CSDE1: variants seen among roughly 807,000 people sequenced by gnomAD.
CSDE1 encodes cold shock domain containing E1.
A neutral mutation model predicts 89.3 loss-of-function variants in CSDE1; 17 were observed. That is an observed-to-expected ratio of 0.19 (90% CI 0.13 to 0.29). The LOEUF is 0.29. Ranked by LOEUF, CSDE1 falls within the 10% of genes least tolerant of loss-of-function variation. The probability of loss-of-function intolerance (pLI) is 1.00; values close to 1 mark genes in which losing one functional copy is unlikely to be tolerated. For missense variants in CSDE1, 672 were observed against 984.2 expected, an observed-to-expected ratio of 0.68 and a Z score of 4.24; for synonymous variants, 322 against 332.8, an observed-to-expected ratio of 0.97 and a Z score of 0.35.
In CSDE1 at chr1:114,745,082, T is replaced by C. The variant is rs571437388; in HGVS notation, c.-1+4739A>G. Among the ~76,000 whole-genome samples, 10 of 152,186 alleles carry C rather than the reference T, an allele frequency of 6.6e-5. No individual in the cohort carries two copies. The East Asian group carries it at 1.7e-3, about 26-fold the overall frequency. On this transcript the variant is annotated intron_variant, in intron 2 of 19. Coordinates refer to ENST00000358528, the MANE Select transcript of CSDE1 (RefSeq NM_001007553.3). ...TTCATATACCAAACTAGCAAAGACGTAAGATTTTAAAATAATGAAAAAGTG... is the reference window on the plus strand; with the variant it reads ...TTCATATACCAAACTAGCAAAGACGCAAGATTTTAAAATAATGAAAAAGTG...
At chr1:114,732,535 T>C (rs552697337) in intron 10 of CSDE1, 69 bp downstream of exon 10, 9 of 1,429,090 alleles carry the variant, frequency 6.3e-6, no homozygotes, top group South Asian at 4.7e-5. Flanking sequence ...TTTAATTTAG[T>C]AGTATAAACT....
At chr1:114,748,658 T>C (rs1661140767) in intron 2 of CSDE1, among the ~76,000 whole-genome samples, 1 of 152,224 alleles carries the variant, frequency 6.6e-6, no homozygotes, top group Non-Finnish European at 1.5e-5. Flanking sequence ...CACATTTATC[T>C]TCAGATTCAA....
In CSDE1 at chr1:114,730,568, A is replaced by T; in HGVS notation, c.1131T>A (p.Ser377Arg). 6.2e-7 allele frequency: 1 copy of T among 1,614,130 alleles called. No individual in the cohort carries two copies. ...DRDVRMFFHFSEILDGNQLHI... is the reference protein window; with the variant it reads ...DRDVRMFFHFREILDGNQLHI... Reference sequence around the variant, plus strand: ...GGAGCTGGTTCCCATCCAGAATTTCACTGAAGTGGAAGAACATACGAACAT... The same window carrying T: ...GGAGCTGGTTCCCATCCAGAATTTCTCTGAAGTGGAAGAACATACGAACAT... The change falls in exon 11 of 20, where the codon AGT becomes AGA. Residue 377 changes from serine (S) to arginine (R), a missense_variant. Physicochemically the swap from Ser to Arg is moderately radical, Grantham distance 110. Transcript: ENST00000358528.
intron 2 of CSDE1, among the ~76,000 whole-genome samples, chr1:114,749,060 G>A (rs912594072): frequency 2.6e-5 from 4 of 152,068 alleles, no homozygotes; most frequent in African/African-American, 9.7e-5. Flanking sequence ...GTGCTTTCAC[G>A]TAGCCCTGAA....
intron 2 of CSDE1, among the ~76,000 whole-genome samples, chr1:114,742,012 C>T (rs1660753547): frequency 1.3e-5 from 2 of 152,128 alleles, no homozygotes; most frequent in South Asian, 4.1e-4. Context: ...ACTGATAACC[C>T]AATGGGGTGC....
At chr1:114,725,073 T>G (rs930891739) in intron 15 of CSDE1, 148 bp downstream of exon 15, 5 of 674,262 alleles carry the variant, frequency 7.4e-6, no homozygotes, top group Non-Finnish European at 1.3e-5. Context: ...CGTATATTTC[T>G]AACAAGCAAC....
At chr1:114,741,510 C>T (rs2101061425) in intron 2 of CSDE1, 1 of 1,542,532 alleles carries the variant, frequency 6.5e-7, no homozygotes, top group South Asian at 1.2e-5. Context: ...GCTGAGATGA[C>T]TGCTTTCCTG....
chr1:114,718,560 A>ATTTTATG, intron 19 of CSDE1, 53 bp downstream of exon 19: 1 of 1,583,474 alleles, frequency 6.3e-7, no homozygotes, highest in Non-Finnish European at 8.6e-7. Context: ...AGGACCACAT[A>ATTTTATG]TTTTATGTTG....
rs1660054564 is a variant in CSDE1, at chr1:114,730,770, T to C, written c.1051-122A>G. The C allele has an allele frequency of 6.9e-6, 8 of 1,157,610 alleles. No individual in the cohort carries two copies. The East Asian group carries it at 1.2e-4, about 18-fold the overall frequency. 71.7% of individuals were successfully genotyped at this position (1,157,610 alleles called of 1,614,324 possible). A position where few individuals can be genotyped will look rare whatever the true frequency, so the allele number is the denominator to read the frequency against. On this transcript the variant is annotated intron_variant, in intron 10 of 19. Coordinates refer to ENST00000358528, the MANE Select transcript of CSDE1 (RefSeq NM_001007553.3). ...TCTCTGATGTGACACAAATACTGTATCCACATTTGAACTGTTCTCACTTAA... is the reference window on the plus strand; with the variant it reads ...TCTCTGATGTGACACAAATACTGTACCCACATTTGAACTGTTCTCACTTAA...
At chr1:114,757,102 C>G (rs539343962) in intron 1 of CSDE1, among the ~76,000 whole-genome samples, 1 of 152,306 alleles carries the variant, frequency 6.6e-6, no homozygotes, top group Non-Finnish European at 1.5e-5. Flanking sequence ...AGGGCGCACG[C>G]CCATTCCCCA....
At position 114,718,150 on chromosome 1, in the gene CSDE1, G is replaced by C. The variant is rs1193459648; in HGVS notation, c.*19C>G. The C allele has an allele frequency of 2.5e-6, 4 of 1,613,530 alleles. No individual in the cohort carries two copies. The African/African-American group carries it at 5.3e-5, about 22-fold the overall frequency. On this transcript the variant is annotated 3_prime_UTR_variant, in exon 20 of 20. Transcript: ENST00000358528. The stretch of plus-strand genomic sequence containing the variant: ...CCAACTTGATCATAGTGGATTAATG[G>C]TGTGCTTTGTGGATGTGGTTAGTCA...
intron 2 of CSDE1, chr1:114,748,497 A>T (rs1174401697): frequency 6.6e-6 from 1 of 152,206 alleles, no homozygotes; most frequent in African/African-American, 2.4e-5. Flanking sequence ...ATACTAGTGT[A>T]TTTCCTTCAA....
At chr1:114,737,424 T>TCA in intron 5 of CSDE1, 47 bp downstream of exon 5, 2 of 1,385,938 alleles carry the variant, frequency 1.4e-6, no homozygotes, top group Non-Finnish European at 1.0e-6. Context: ...CGCTTATAGA[T>TCA]CACATGGTGG....
intron 1 of CSDE1, among the ~76,000 whole-genome samples, chr1:114,757,428 G>A (rs1661669869): frequency 6.6e-6 from 1 of 152,126 alleles, no homozygotes; most frequent in Non-Finnish European, 1.5e-5. Context: ...AGGGTCCAGA[G>A]TCAAAGTAGG....
chr1:114,741,961 A>G (rs1366848081), intron 2 of CSDE1, among the ~76,000 whole-genome samples: 3 of 152,252 alleles, frequency 2.0e-5, no homozygotes, highest in Non-Finnish European at 4.4e-5. Flanking sequence ...AACTTTAAAT[A>G]GAACCTATCA....
chr1:114,718,238 A>AC, intron 19 of CSDE1, 22 bp from the exon 20 acceptor site: 8 of 1,608,156 alleles, frequency 5.0e-6, no homozygotes, highest in Non-Finnish European at 6.8e-6. Context: ...AGAAAAAAAA[A>AC]ACCCTGCAGT....
chr1:114,732,346 G>A (rs1463848553), intron 10 of CSDE1, among the ~76,000 whole-genome samples: 6 of 152,152 alleles, frequency 3.9e-5, no homozygotes, highest in East Asian at 1.9e-4. Context: ...TTAAGGGCCT[G>A]AGAATCACTG....
rs979985610 is a variant in CSDE1, at chr1:114,720,644, C to T, written c.1947G>A (p.Gly649=). The T allele has an allele frequency of 2.5e-6, 4 of 1,614,122 alleles. No individual in the cohort carries two copies. The highest frequency in any genetic ancestry group is 2.5e-6 in the Non-Finnish European group (3 of 1,180,026). The change falls in exon 17 of 20, where the codon GGG becomes GGA. Residue 649 remains glycine (G), a synonymous_variant. Coordinates refer to ENST00000358528, the MANE Select transcript of CSDE1 (RefSeq NM_001007553.3). ...MANKGDCLQK[G]ESVKFQLCVL... ...CACACAATTGGAACTTGACGCTCTC[C>T]CCTTTCTGCAGGCAATCCCCTTTGT...
intron 12 of CSDE1, 41 bp downstream of exon 12, chr1:114,730,217 A>T (rs751409179): frequency 6.3e-7 from 1 of 1,599,242 alleles, no homozygotes; most frequent in Admixed American, 1.7e-5. Flanking sequence ...CAGAAGAGAA[A>T]TAAACAGCTA....
Sources: gnomAD v4.1 joint callset for allele counts (sites outside exome capture counted in the v4.1 genomes callset) on GRCh38, gnomAD v4.1.1 for gene constraint, MANE v1.5 for transcripts, NCBI Gene and HGNC (gene_info 2026-07-23, HGNC 2026-07-21) for gene names.